Variants in PRPSAP2 observed in about 807,000 individuals in gnomAD.
The protein encoded by PRPSAP2 is phosphoribosyl pyrophosphate synthase-associated protein 2.
A neutral mutation model predicts 40.6 loss-of-function variants in PRPSAP2; 24 were observed. The observed-to-expected ratio is 0.59, with a 90% CI of 0.43 to 0.83. The LOEUF is 0.83. PRPSAP2 is among the 40% of genes least tolerant of loss of function. The pLI is 0.00. For missense variants in PRPSAP2, 292 were observed against 465.6 expected (o/e 0.63, Z 3.43); for synonymous variants, 149 against 164.7 (o/e 0.90, Z 0.73).
intron 11 of PRPSAP2, 98 bp from the exon 12 acceptor site, chr17:18,930,442 T>A (rs2151980657): frequency 8.4e-7 from 1 of 1,184,464 alleles, no homozygotes; most frequent in Admixed American, 2.2e-5. Flanking sequence ...TTTCCTGTCG[T>A]GGCAAGCCTC....
In PRPSAP2 at chr17:18,867,194, CTT is replaced by C. The variant is rs1016380281; in HGVS notation, c.120-87_120-86del. 4.0e-5 allele frequency: 50 copies of C among 1,265,704 alleles called. No individual in the cohort carries two copies. In the Middle Eastern group the frequency reaches 5.7e-4, roughly 14 times the overall value. The allele number at this position is 1,265,704 out of a possible 1,614,324, so 78.4% of individuals were successfully genotyped here. ...AAGAATAACTTTATTTTATTTTACT[CTT>C]ATCGATTTACGAGTCTCCTTAAATA... On this transcript the variant is annotated intron_variant, in intron 3 of 11. Coordinates refer to ENST00000268835, the MANE Select transcript of PRPSAP2 (RefSeq NM_002767.4).
chr17:18,910,495 A>G (rs2151952265), intron 8 of PRPSAP2, among the ~76,000 whole-genome samples: 1 of 151,978 alleles, frequency 6.6e-6, no homozygotes, highest in Non-Finnish European at 1.5e-5. Flanking sequence ...GTGAAACTAT[A>G]GTGACAGAAA....
At chr17:18,924,826 A>G (rs1048957448) in intron 10 of PRPSAP2, among the ~76,000 whole-genome samples, 8 of 149,524 alleles carry the variant, frequency 5.4e-5, no homozygotes, top group Admixed American at 4.7e-4. Flanking sequence ...TCTGTGATCA[A>G]AGTAAAGTAC....
At chr17:18,922,238 G>C (rs1219577902) in intron 9 of PRPSAP2, among the ~76,000 whole-genome samples, 4 of 152,182 alleles carry the variant, frequency 2.6e-5, no homozygotes, top group Non-Finnish European at 4.4e-5. Flanking sequence ...TGGCTATGCT[G>C]CTCTGTATAT....
chr17:18,906,333 A>G (rs762423717), intron 8 of PRPSAP2, among the ~76,000 whole-genome samples: 13 of 152,098 alleles, frequency 8.5e-5, no homozygotes, highest in Non-Finnish European at 1.8e-4. Context: ...CTCCCACCTC[A>G]GCCTCCCAAG....
intron 4 of PRPSAP2, 25 bp downstream of exon 4, chr17:18,867,359 C>T (rs1235936507): frequency 6.2e-7 from 1 of 1,611,766 alleles, no homozygotes; most frequent in Non-Finnish European, 8.5e-7. Context: ...GCATGTGGAA[C>T]ATTGACCTTT....
At chr17:18,892,867 T>C (rs1291622488) in intron 8 of PRPSAP2, among the ~76,000 whole-genome samples, 3 of 151,886 alleles carry the variant, frequency 2.0e-5, no homozygotes, top group Admixed American at 6.6e-5. Context: ...CCTGAGTAGC[T>C]GGGATTACAG....
At chr17:18,859,098 A>T (rs917746571) in intron 1 of PRPSAP2, among the ~76,000 whole-genome samples, 1 of 152,056 alleles carries the variant, frequency 6.6e-6, no homozygotes, top group Non-Finnish European at 1.5e-5. Context: ...TTACTTTATT[A>T]TGGAACCTTT....
intron 8 of PRPSAP2, among the ~76,000 whole-genome samples, chr17:18,905,829 C>T (rs937383228): frequency 7.2e-5 from 11 of 151,892 alleles, no homozygotes; most frequent in South Asian, 4.2e-4. Context: ...GTGATCTGCC[C>T]GCCTCGGCCT....
chr17:18,892,688 AGTGTGTGTGTGTGTGTGT>A (rs3043879), intron 8 of PRPSAP2, among the ~76,000 whole-genome samples: 2 of 75,382 alleles, frequency 2.7e-5, no homozygotes, highest in African/African-American at 4.8e-5. Flanking sequence ...CAGCCTGTTG[AGTGTGTGTGTGTGTGTGT>A]GTGTGTGTGT....
chr17:18,930,784 G>GACGGTT lies in PRPSAP2; in HGVS notation c.*86_*87insACGGTT. ...GGATGGATTTCACAGGAACCGTCAT[G>GACGGTT]CTTGTTCCTCCCTCTCCCCTGTAAC... On this transcript the variant is annotated 3_prime_UTR_variant, in exon 12 of 12. Coordinates refer to ENST00000268835, the MANE Select transcript of PRPSAP2 (RefSeq NM_002767.4). The GACGGTT allele has an allele frequency of 8.0e-7, 1 of 1,256,264 alleles. No individual in the cohort carries two copies. The highest frequency in any genetic ancestry group is 1.1e-6 in the Non-Finnish European group (1 of 922,790). The allele number at this position is 1,256,264 out of a possible 1,614,324, so 77.8% of individuals were successfully genotyped here.
Position 18,865,576 on chromosome 17 carries a change from A to C in PRPSAP2, c.-33+12A>C, listed in dbSNP as rs2037367678. ...GCTCCGCCTTTCTTGTAAGTTTATCATTTCTTCTTAGTGGTTGTGAACATC... is the reference window on the plus strand; with the variant it reads ...GCTCCGCCTTTCTTGTAAGTTTATCCTTTCTTCTTAGTGGTTGTGAACATC... On this transcript the variant is annotated intron_variant, in intron 2 of 11. Coordinates refer to ENST00000268835, the MANE Select transcript of PRPSAP2 (RefSeq NM_002767.4). The C allele has an allele frequency of 5.4e-6, 1 of 185,102 alleles. No individual in the cohort carries two copies. The highest frequency in any genetic ancestry group is 2.3e-5 in the African/African-American group (1 of 42,686). 11.5% of individuals were successfully genotyped at this position (185,102 alleles called of 1,614,324 possible). A position where few individuals can be genotyped will look rare whatever the true frequency, so the allele number is the denominator to read the frequency against.
chr17:18,928,644 C>A, intron 10 of PRPSAP2, 167 bp from the exon 11 acceptor site: 1 of 793,782 alleles, frequency 1.3e-6, no homozygotes, highest in Non-Finnish European at 2.1e-6. Context: ...TGGAGGGCTG[C>A]CATGGGGCAC....
intron 8 of PRPSAP2, among the ~76,000 whole-genome samples, chr17:18,902,660 A>G (rs1408488546): frequency 6.6e-6 from 1 of 151,924 alleles, no homozygotes; most frequent in Non-Finnish European, 1.5e-5. Flanking sequence ...ACTTGAGGTC[A>G]GGAGTTTGAG....
intron 9 of PRPSAP2, among the ~76,000 whole-genome samples, chr17:18,922,460 A>G (rs1161924002): frequency 3.9e-5 from 6 of 152,120 alleles, no homozygotes; most frequent in Middle Eastern, 3.4e-3. Flanking sequence ...TCTACTTTTT[A>G]TTGTAGCCAG....
intron 8 of PRPSAP2, among the ~76,000 whole-genome samples, chr17:18,890,146 A>T (rs1454672802): frequency 2.0e-5 from 3 of 149,714 alleles, no homozygotes; most frequent in Non-Finnish European, 4.4e-5. Context: ...TTTTATTTTT[A>T]TTATTATTAT....
chr17:18,903,765 G>A (rs12936834), intron 8 of PRPSAP2, among the ~76,000 whole-genome samples: 33,509 of 151,954 alleles, frequency 0.22, 3,931 homozygotes, highest in South Asian at 0.28. Context: ...GGTATTGTGA[G>A]CAAGAGCTCT....
At chr17:18,872,445 A>T in intron 4 of PRPSAP2, 138 bp from the exon 5 acceptor site, 1 of 659,978 alleles carries the variant, frequency 1.5e-6, no homozygotes, top group Non-Finnish European at 2.7e-6. Flanking sequence ...CCCTTGTAAC[A>T]TCTAAAGCCT....
At chr17:18,923,372 C>T (rs1223450747) in intron 9 of PRPSAP2, among the ~76,000 whole-genome samples, 2 of 150,510 alleles carry the variant, frequency 1.3e-5, no homozygotes, top group African/African-American at 2.5e-5. Flanking sequence ...TCCCAAAGGG[C>T]TGGGATTACA....
Sources: gnomAD v4.1 joint callset for allele counts (sites outside exome capture counted in the v4.1 genomes callset) on GRCh38, gnomAD v4.1.1 for gene constraint, MANE v1.5 for transcripts, NCBI Gene and HGNC (gene_info 2026-07-23, HGNC 2026-07-21) for gene names.